The following PPP1R9A variants were observed in gnomAD, a reference collection of about 807,000 sequenced individuals.
PPP1R9A encodes the protein protein phosphatase 1 regulatory subunit 9A.
Under a neutral mutation model 141.9 loss-of-function variants are expected in PPP1R9A, and 59 were observed. The observed-to-expected ratio is 0.42, with a 90% CI of 0.34 to 0.52. The LOEUF (loss-of-function observed/expected upper bound fraction) is 0.52, where lower values mean the gene tolerates loss of function less well. PPP1R9A is among the 20% of genes least tolerant of loss of function. The probability of loss-of-function intolerance (pLI) is 0.10; values close to 1 mark genes in which losing one functional copy is unlikely to be tolerated. For synonymous variants in PPP1R9A, 500 were observed against 569.7 expected (o/e 0.88, Z 1.74); for missense variants, 1,444 against 1,611.9 (o/e 0.90, Z 1.78).
At chr7:95,218,659 G>A (rs1486322656) in intron 7 of PPP1R9A, among the ~76,000 whole-genome samples, 2 of 152,208 alleles carry the variant, frequency 1.3e-5, no homozygotes, top group East Asian at 3.9e-4. Context: ...CTCCTGTATT[G>A]GGTGCATATA....
At chr7:95,037,327 T>C (rs1808568288) in intron 2 of PPP1R9A, among the ~76,000 whole-genome samples, 1 of 152,192 alleles carries the variant, frequency 6.6e-6, no homozygotes, top group African/African-American at 2.4e-5. Context: ...AGAATATTGA[T>C]TCTCCTTGTT....
At chr7:95,174,814 T>C (rs1236951195) in intron 5 of PPP1R9A, 1 of 152,172 alleles carries the variant, frequency 6.6e-6, no homozygotes, top group Non-Finnish European at 1.5e-5. Context: ...TTTTGAAAAC[T>C]CATGTTTCTT....
chr7:95,146,562 G>A (rs1440977913), intron 4 of PPP1R9A, among the ~76,000 whole-genome samples: 2 of 152,104 alleles, frequency 1.3e-5, no homozygotes, highest in Admixed American at 6.5e-5. Flanking sequence ...TAGTCATGAA[G>A]TCTTTGCTCA....
intron 16 of PPP1R9A, among the ~76,000 whole-genome samples, chr7:95,279,486 A>G (rs1001029849): frequency 6.6e-6 from 1 of 152,200 alleles, no homozygotes; most frequent in African/African-American, 2.4e-5. Context: ...CTTATTCCCC[A>G]TAACTGTCTA....
chr7:95,124,953 C>T (rs1823305217), intron 4 of PPP1R9A, among the ~76,000 whole-genome samples: 1 of 152,042 alleles, frequency 6.6e-6, no homozygotes, highest in Non-Finnish European at 1.5e-5. Context: ...GGGTATTTAT[C>T]CTCCTGAGTT....
intron 4 of PPP1R9A, among the ~76,000 whole-genome samples, chr7:95,159,849 C>T (rs578148122): frequency 6.7e-6 from 1 of 149,976 alleles, no homozygotes; most frequent in Non-Finnish European, 1.5e-5. Context: ...TCTCTTGAAC[C>T]CGGGAGGCGG....
At chr7:95,215,474 T>C (rs1003719390) in intron 7 of PPP1R9A, among the ~76,000 whole-genome samples, 18 of 152,302 alleles carry the variant, frequency 1.2e-4, no homozygotes, top group African/African-American at 4.3e-4. Context: ...TATAATCCTT[T>C]GGGTATATAC....
intron 2 of PPP1R9A, among the ~76,000 whole-genome samples, chr7:95,007,023 AG>A (rs1478748353): frequency 1.3e-5 from 2 of 151,954 alleles, no homozygotes; most frequent in African/African-American, 2.4e-5. Flanking sequence ...CCACTACACT[AG>A]GATAATTTTG....
chr7:95,211,221 GATAC>G (rs1331571404), intron 7 of PPP1R9A, among the ~76,000 whole-genome samples: 1 of 151,984 alleles, frequency 6.6e-6, no homozygotes, highest in Non-Finnish European at 1.5e-5. Flanking sequence ...CCTTTGGCCT[GATAC>G]TCTCAGTTTG....
At chr7:95,070,773 A>T (rs1026295227) in intron 2 of PPP1R9A, among the ~76,000 whole-genome samples, 1 of 151,700 alleles carries the variant, frequency 6.6e-6, no homozygotes, top group Middle Eastern at 3.4e-3. Context: ...TCCCCATTTT[A>T]GAGTCATTAT....
intron 2 of PPP1R9A, among the ~76,000 whole-genome samples, chr7:95,110,245 G>A (rs1023169510): frequency 2.0e-5 from 3 of 152,058 alleles, no homozygotes; most frequent in Admixed American, 6.6e-5. Flanking sequence ...AGAACAGCAG[G>A]GCCAGCTTTG....
At chr7:95,113,587 A>G (rs998961065) in intron 3 of PPP1R9A, among the ~76,000 whole-genome samples, 1 of 152,248 alleles carries the variant, frequency 6.6e-6, no homozygotes, top group Non-Finnish European at 1.5e-5. Context: ...TTAGACTAGC[A>G]TCAGACTGTA....
chr7:95,013,687 T>C (rs1419374092), intron 2 of PPP1R9A, among the ~76,000 whole-genome samples: 1 of 152,130 alleles, frequency 6.6e-6, no homozygotes. Flanking sequence ...TGCTTGTGCT[T>C]ATTAATTAAG....
chr7:95,109,258 A>C (rs188017248), intron 2 of PPP1R9A, among the ~76,000 whole-genome samples: 17 of 152,326 alleles, frequency 1.1e-4, no homozygotes, highest in Admixed American at 2.6e-4. Context: ...TTGCCTTCAC[A>C]ACTTCTTTAC....
In PPP1R9A at chr7:95,269,295, G is replaced by A; in HGVS notation, c.2912G>A (p.Gly971Asp). 1.3e-6 allele frequency: 2 copies of A among 1,594,844 alleles called. No homozygotes were observed. Among genetic ancestry groups the A allele is most frequent in the Non-Finnish European group, 1.7e-6 (2 of 1,176,068 alleles). The change falls in exon 14 of 20, where the codon GGT becomes GAT. Residue 971 changes from glycine to aspartate, a missense_variant. Gly to Asp is a moderately conservative substitution (Grantham distance 94). Coordinates refer to ENST00000433360, the MANE Select transcript of PPP1R9A (RefSeq NM_001166160.2). Reference sequence around the variant, plus strand: ...ACGTCTTCTCCAGAATCAGATTCTGGTGTTCCACCCCTCACCCCGGTGGAT... The same window carrying A: ...ACGTCTTCTCCAGAATCAGATTCTGATGTTCCACCCCTCACCCCGGTGGAT... Reference protein sequence around the residue: ...LRTSSPESDSGVPPLTPVDSN... With the variant: ...LRTSSPESDSDVPPLTPVDSN...
chr7:95,151,137 G>C (rs1197384042), intron 4 of PPP1R9A, among the ~76,000 whole-genome samples: 1 of 152,162 alleles, frequency 6.6e-6, no homozygotes, highest in Non-Finnish European at 1.5e-5. Flanking sequence ...CTCATGATCT[G>C]ACCCAGCTGA....
At chr7:94,954,834 CG>C (rs1796899299) in intron 2 of PPP1R9A, among the ~76,000 whole-genome samples, 1 of 146,326 alleles carries the variant, frequency 6.8e-6, no homozygotes, top group East Asian at 2.0e-4. Context: ...TGTAAATATG[CG>C]TGTGTGTGTG....
intron 4 of PPP1R9A, among the ~76,000 whole-genome samples, chr7:95,127,944 G>C (rs1287715276): frequency 2.0e-5 from 3 of 152,174 alleles, no homozygotes; most frequent in African/African-American, 7.2e-5. Flanking sequence ...GGTTGGTTCT[G>C]TGTCTTTGCT....
At chr7:94,975,187 A>G (rs906417529) in intron 2 of PPP1R9A, among the ~76,000 whole-genome samples, 8 of 152,112 alleles carry the variant, frequency 5.3e-5, no homozygotes, top group African/African-American at 1.2e-4. Context: ...ACATTGTGCT[A>G]TAACCTAAAA....
Sources: gnomAD v4.1 joint callset for allele counts (sites outside exome capture counted in the v4.1 genomes callset) on GRCh38, gnomAD v4.1.1 for gene constraint, MANE v1.5 for transcripts, NCBI Gene and HGNC (gene_info 2026-07-23, HGNC 2026-07-21) for gene names.